Variants in FNIP1 observed in about 807,000 individuals in gnomAD.
The protein encoded by FNIP1 is folliculin interacting protein 1, also known as folliculin-interacting protein 1.
FNIP1 carries 40 observed loss-of-function variants against 124.5 expected under a neutral mutation model. The ratio of observed to expected loss-of-function variants is 0.32; its 90% CI spans 0.25 to 0.42. The LOEUF (loss-of-function observed/expected upper bound fraction) is 0.42. Ranked by LOEUF, FNIP1 falls within the 10% of genes least tolerant of loss-of-function variation. The probability of loss-of-function intolerance (pLI) is 1.00; values close to 1 mark genes in which losing one functional copy is unlikely to be tolerated. For synonymous variants in FNIP1, 472 were observed against 470.6 expected, an observed-to-expected ratio of 1.00 and a Z score of -0.04; for missense variants, 1,176 against 1,403.7, an observed-to-expected ratio of 0.84 and a Z score of 2.59.
At chr5:131,658,307 A>G (rs1443060845) in intron 15 of FNIP1, among the ~76,000 whole-genome samples, 2 of 152,332 alleles carry the variant, frequency 1.3e-5, no homozygotes, top group East Asian at 3.9e-4. Flanking sequence ...CCTTTGCAAA[A>G]GTTATATTAG....
At position 131,796,889 on chromosome 5, in the gene FNIP1, G is replaced by A; in HGVS notation, c.33C>T (p.Ser11=). Residue 11 remains serine (S), a synonymous_variant, in exon 1 of 18, where the codon AGC becomes AGT. Coordinates refer to ENST00000510461, the MANE Select transcript of FNIP1 (RefSeq NM_133372.3). MAPTLFQKLF[S]KRTGLGAPGR... is the part of the protein sequence containing the mutation. ...CGGGCGCGCCCAGCCCGGTCCTCTT[G>A]CTGAAGAGCTTCTGGAACAGCGTAG... 2 of 1,609,180 alleles carry A rather than the reference G, an allele frequency of 1.2e-6. No homozygotes were observed. The highest frequency in any genetic ancestry group is 1.1e-5 in the South Asian group (1 of 90,474).
chr5:131,720,599 T>A (rs894447568), intron 3 of FNIP1, among the ~76,000 whole-genome samples: 1 of 152,018 alleles, frequency 6.6e-6, no homozygotes, highest in African/African-American at 2.4e-5. Flanking sequence ...TGGGAAAAAA[T>A]ACTTGCAAAC....
chr5:131,770,432 T>C (rs887806825), intron 1 of FNIP1, among the ~76,000 whole-genome samples: 1 of 152,248 alleles, frequency 6.6e-6, no homozygotes, highest in Non-Finnish European at 1.5e-5. Context: ...TGTATCAGCA[T>C]GTTCTTTTAG....
intron 1 of FNIP1, among the ~76,000 whole-genome samples, chr5:131,785,660 G>C (rs929924172): frequency 6.6e-6 from 1 of 152,080 alleles, no homozygotes; most frequent in Non-Finnish European, 1.5e-5. Context: ...CATTAACATG[G>C]GGCTTTACTA....
At chr5:131,682,264 T>C (rs1390575876) in intron 11 of FNIP1, among the ~76,000 whole-genome samples, 1 of 152,230 alleles carries the variant, frequency 6.6e-6, no homozygotes, top group Non-Finnish European at 1.5e-5. Flanking sequence ...GTATTAGTGG[T>C]CCAATGAGAG....
chr5:131,665,936 C>T (rs1767591402), intron 15 of FNIP1, among the ~76,000 whole-genome samples: 1 of 135,862 alleles, frequency 7.4e-6, no homozygotes, highest in Admixed American at 8.2e-5. Context: ...GAGTCTCGCT[C>T]TGTCGCCCAG....
rs1178221358 is a variant in FNIP1, at chr5:131,670,454, G to A, written c.3108+9C>T. On this transcript the variant is annotated intron_variant, in intron 15 of 17. Coordinates refer to ENST00000510461, the MANE Select transcript of FNIP1 (RefSeq NM_133372.3). The stretch of plus-strand genomic sequence containing the variant: ...CTAAATAAACTCAAAAACAGTGAAG[G>A]TCACTCACCTGCACAGCATGAGATA... The A allele has an allele frequency of 1.3e-6, 2 of 1,560,776 alleles. No individual in the cohort carries two copies. The highest frequency in any genetic ancestry group is 2.4e-5 in the South Asian group (2 of 82,654).
intron 2 of FNIP1, among the ~76,000 whole-genome samples, chr5:131,742,452 G>C (rs777646711): frequency 3.3e-5 from 5 of 152,178 alleles, no homozygotes; most frequent in African/African-American, 4.8e-5. Context: ...GAGAGAGCGA[G>C]ACCCTGTCTC....
At chr5:131,784,619 G>A (rs1772101591) in intron 1 of FNIP1, among the ~76,000 whole-genome samples, 2 of 151,706 alleles carry the variant, frequency 1.3e-5, no homozygotes, top group South Asian at 2.1e-4. Context: ...CCAGGAGTTC[G>A]AGACCAGCCT....
At chr5:131,737,125 A>C (rs1288589950) in intron 2 of FNIP1, among the ~76,000 whole-genome samples, 3 of 152,238 alleles carry the variant, frequency 2.0e-5, no homozygotes, top group African/African-American at 7.2e-5. Flanking sequence ...AAGTAAAATA[A>C]TAAGAAATTG....
intron 1 of FNIP1, among the ~76,000 whole-genome samples, chr5:131,751,934 A>C (rs564120122): frequency 6.6e-6 from 1 of 152,326 alleles, no homozygotes; most frequent in South Asian, 2.1e-4. Flanking sequence ...CAACAACCAA[A>C]CCAACCTAAA....
intron 2 of FNIP1, among the ~76,000 whole-genome samples, chr5:131,737,639 T>C (rs1192622632): frequency 1.3e-5 from 2 of 152,332 alleles, no homozygotes; most frequent in Non-Finnish European, 1.5e-5. Context: ...TATCTATAAA[T>C]CGGAATAATA....
rs2042252 is a variant in FNIP1 at position 131,644,334 on chromosome 5, G to A, written c.*351C>T. Reference sequence around the variant, plus strand: ...CTATTTCTGAGCCATTAAATCATGAGACACTGTTGCTATTTATGAGCTGTG... The same window carrying A: ...CTATTTCTGAGCCATTAAATCATGAAACACTGTTGCTATTTATGAGCTGTG... On this transcript the variant is annotated 3_prime_UTR_variant, in exon 18 of 18. Coordinates refer to ENST00000510461, the MANE Select transcript of FNIP1 (RefSeq NM_133372.3). 102,302 of 159,012 alleles carry A rather than the reference G, an allele frequency of 0.64. 34,931 individuals carry two copies. The highest frequency in any genetic ancestry group is 0.77 in the Non-Finnish European group (56,077 of 72,698). The allele number at this position is 159,012 out of a possible 1,614,324, so 9.9% of individuals were successfully genotyped here. A position where few individuals can be genotyped will look rare whatever the true frequency, so the allele number is the denominator to read the frequency against.
At chr5:131,765,107 A>G (rs748837343) in intron 1 of FNIP1, among the ~76,000 whole-genome samples, 1 of 152,110 alleles carries the variant, frequency 6.6e-6, no homozygotes, top group Non-Finnish European at 1.5e-5. Flanking sequence ...CTGTAGTCCC[A>G]GCTACTTGGG....
chr5:131,713,141 C>T (rs534982206), intron 6 of FNIP1, among the ~76,000 whole-genome samples: 4 of 152,244 alleles, frequency 2.6e-5, no homozygotes, highest in African/African-American at 7.2e-5. Context: ...CTCCGCCTCC[C>T]GGGTTCACGC....
intron 11 of FNIP1, among the ~76,000 whole-genome samples, chr5:131,697,007 T>A (rs1180026079): frequency 1.3e-5 from 2 of 152,166 alleles, no homozygotes; most frequent in South Asian, 4.1e-4. Context: ...GTTTTAAAAA[T>A]GTTTTATATA....
chr5:131,731,540 G>C (rs1397892682), intron 2 of FNIP1, among the ~76,000 whole-genome samples: 1 of 151,934 alleles, frequency 6.6e-6, no homozygotes, highest in African/African-American at 2.4e-5. Context: ...TGTAATCCCA[G>C]CTTCTTGGGA....
At chr5:131,695,390 T>A (rs1418154228) in intron 11 of FNIP1, among the ~76,000 whole-genome samples, 3 of 152,134 alleles carry the variant, frequency 2.0e-5, no homozygotes, top group Non-Finnish European at 4.4e-5. Context: ...GAGATAGGCA[T>A]GTCTTAGAAT....
At chr5:131,666,673 A>G (rs1445868129) in intron 15 of FNIP1, among the ~76,000 whole-genome samples, 1 of 152,220 alleles carries the variant, frequency 6.6e-6, no homozygotes, top group African/African-American at 2.4e-5. Flanking sequence ...AAGGATTATT[A>G]TAAGATTAAG....
Sources: gnomAD v4.1 joint callset for allele counts (sites outside exome capture counted in the v4.1 genomes callset) on GRCh38, gnomAD v4.1.1 for gene constraint, MANE v1.5 for transcripts, NCBI Gene and HGNC (gene_info 2026-07-23, HGNC 2026-07-21) for gene names.